ZNF326: variants seen among roughly 807,000 people sequenced by gnomAD.
ZNF326 encodes zinc finger protein 326, also known as DBIRD complex subunit ZNF326.
A neutral mutation model predicts 63.1 loss-of-function variants in ZNF326; 30 were observed. The ratio of observed to expected loss-of-function variants is 0.48; its 90% CI spans 0.36 to 0.64. The LOEUF is 0.64. Among genes scored for constraint, ZNF326 ranks in the 30% least tolerant of loss-of-function variants. The probability of loss-of-function intolerance (pLI) is 0.00; values close to 1 mark genes in which losing one functional copy is unlikely to be tolerated. For missense variants in ZNF326, 609 were observed against 720.3 expected (o/e 0.85, Z 1.77); for synonymous variants, 194 against 228.2 (o/e 0.85, Z 1.35).
intron 11 of ZNF326, among the ~76,000 whole-genome samples, chr1:90,022,990 G>A (rs1207644380): frequency 6.6e-6 from 1 of 152,154 alleles, no homozygotes; most frequent in Non-Finnish European, 1.5e-5. Context: ...GGAGAAGAGA[G>A]GTTTGCTTCT....
intron 4 of ZNF326, chr1:90,005,491 T>C: frequency 8.8e-7 from 1 of 1,142,518 alleles, no homozygotes; most frequent in South Asian, 4.4e-5. Context: ...ATACACTTTT[T>C]AGCAGTGAAC....
chr1:90,007,934 G>T lies in ZNF326; in HGVS notation c.615+184G>T, dbSNP rs1455241605. 6.6e-6 allele frequency among the ~76,000 whole-genome samples: 1 copy of T among 152,160 alleles called. No individual in the cohort carries two copies. Among genetic ancestry groups the T allele is most frequent in the East Asian group, 1.9e-4 (1 of 5,200 alleles). On this transcript the variant is annotated intron_variant, in intron 5 of 11. Coordinates refer to ENST00000340281, the MANE Select transcript of ZNF326 (RefSeq NM_182976.4). The surrounding 1 kb of genome is among the most constrained non-coding windows in gnomAD (Gnocchi z 4.9). ...TTTCTAGCACCTCAGAAAATAAGTG[G>T]CAGTTTGAGATGATCATAAAGTTGT...
chr1:90,019,736 C>T (rs892266447), intron 9 of ZNF326, among the ~76,000 whole-genome samples: 6 of 152,078 alleles, frequency 3.9e-5, no homozygotes, highest in African/African-American at 1.4e-4. Context: ...GATCTTTCTT[C>T]TGAACTCTAG....
chr1:90,011,515 AGTTTTT>A, intron 6 of ZNF326, among the ~76,000 whole-genome samples: 1 of 102,180 alleles, frequency 9.8e-6, no homozygotes, highest in African/African-American at 3.8e-5. Flanking sequence ...CAAATAGTTA[AGTTTTT>A]TTTTTTTTTT....
chr1:90,005,861 A>G (rs1648961520), intron 4 of ZNF326: 1 of 985,482 alleles, frequency 1.0e-6, no homozygotes, highest in Non-Finnish European at 1.2e-6. Context: ...TATTAAAGCC[A>G]TGAATACTAT....
chr1:89,995,360 G>C lies in ZNF326; in HGVS notation c.16+87G>C, dbSNP rs1054238503. The C allele has an allele frequency of 3.4e-6, 5 of 1,470,806 alleles. 1 individual carries two copies. The highest frequency in any genetic ancestry group is 2.3e-5 in the Admixed American group (1 of 43,190). 91.1% of individuals were successfully genotyped at this position (1,470,806 alleles called of 1,614,324 possible). A position where few individuals can be genotyped will look rare whatever the true frequency, so the allele number is the denominator to read the frequency against. ...GTCTGTTTACCGTCTCAAGATGGCCGTGTGGGCTTTGTTCTGCGGGCCCGG... is the reference window on the plus strand; with the variant it reads ...GTCTGTTTACCGTCTCAAGATGGCCCTGTGGGCTTTGTTCTGCGGGCCCGG... On this transcript the variant is annotated intron_variant, in intron 1 of 11. Transcript: ENST00000340281.
intron 6 of ZNF326, 21 bp from the exon 7 acceptor site, chr1:90,013,105 C>T (rs773051319): frequency 4.4e-6 from 7 of 1,587,848 alleles, no homozygotes; most frequent in Non-Finnish European, 6.0e-6. Context: ...TTAGCTTTTA[C>T]TTTTTTGTGT....
intron 5 of ZNF326, among the ~76,000 whole-genome samples, chr1:90,008,672 T>G (rs1429254904): frequency 6.6e-6 from 1 of 152,200 alleles, no homozygotes. Context: ...CTGCTCTTAA[T>G]ATTTTATTTG....
At chr1:89,995,631 C>T (rs1022701030) in intron 1 of ZNF326, among the ~76,000 whole-genome samples, 3 of 152,264 alleles carry the variant, frequency 2.0e-5, no homozygotes, top group African/African-American at 7.2e-5. Flanking sequence ...GCGGCCTCAC[C>T]CACCTAGTCT....
chr1:90,015,501 GA>G (rs1366667838), intron 7 of ZNF326, among the ~76,000 whole-genome samples: 1 of 152,116 alleles, frequency 6.6e-6, no homozygotes, highest in Non-Finnish European at 1.5e-5. Context: ...GCAACATGGT[GA>G]AACCTCATTT....
At chr1:90,027,063 A>ATG (rs1222451861) in intron 11 of ZNF326, among the ~76,000 whole-genome samples, 13 of 106,318 alleles carry the variant, frequency 1.2e-4, no homozygotes, top group African/African-American at 2.9e-4. Context: ...TCATGTGTAT[A>ATG]TATGTGTGTG....
intron 6 of ZNF326, 106 bp downstream of exon 6, chr1:90,010,392 A>G (rs1211658212): frequency 5.4e-6 from 6 of 1,108,684 alleles, no homozygotes; most frequent in South Asian, 1.6e-5. Flanking sequence ...CTACATAACA[A>G]TTATGATTGT....
At chr1:90,017,642 G>A (rs1649566658) in intron 8 of ZNF326, among the ~76,000 whole-genome samples, 178 bp downstream of exon 8, 1 of 152,130 alleles carries the variant, frequency 6.6e-6, no homozygotes, top group African/African-American at 2.4e-5. Flanking sequence ...AATAGAATTT[G>A]TATTTGTTAT....
chr1:90,027,006 T>C (rs1279729076), intron 11 of ZNF326, among the ~76,000 whole-genome samples: 2 of 152,118 alleles, frequency 1.3e-5, no homozygotes, highest in Non-Finnish European at 2.9e-5. Flanking sequence ...AAAATGTAAA[T>C]CTTTGCATCA....
chr1:90,022,425 A>C, intron 11 of ZNF326, 80 bp downstream of exon 11: 1 of 976,432 alleles, frequency 1.0e-6, no homozygotes, highest in South Asian at 1.4e-5. Flanking sequence ...ACCTTTTGTG[A>C]TACTTGAATA....
chr1:90,003,271 C>T (rs1648783117), intron 2 of ZNF326, among the ~76,000 whole-genome samples: 1 of 152,094 alleles, frequency 6.6e-6, no homozygotes, highest in African/African-American at 2.4e-5. Flanking sequence ...GCTGGGACTA[C>T]AGGCACCTGC....
intron 4 of ZNF326, chr1:90,006,240 A>C: frequency 1.0e-6 from 1 of 984,432 alleles, no homozygotes; most frequent in Non-Finnish European, 1.2e-6. Context: ...AATAGGAATA[A>C]TTTTTATATG....
At chr1:90,022,698 G>A (rs1452458034) in intron 11 of ZNF326, among the ~76,000 whole-genome samples, 1 of 152,112 alleles carries the variant, frequency 6.6e-6, no homozygotes, top group Non-Finnish European at 1.5e-5. Flanking sequence ...TTCTGAATTA[G>A]GTAGACTTAG....
chr1:90,018,274 A>G (rs908981918), intron 8 of ZNF326, among the ~76,000 whole-genome samples: 2 of 151,446 alleles, frequency 1.3e-5, no homozygotes, highest in Middle Eastern at 3.4e-3. Flanking sequence ...CCTGGGTGAC[A>G]GAGCGAGACT....
Sources: gnomAD v4.1 joint callset for allele counts (sites outside exome capture counted in the v4.1 genomes callset) on GRCh38, gnomAD v4.1.1 for gene constraint, Gnocchi (gnomAD v3.1) non-coding constraint, MANE v1.5 for transcripts, NCBI Gene and HGNC (gene_info 2026-07-23, HGNC 2026-07-21) for gene names.